PHC3: variants seen among roughly 807,000 people sequenced by gnomAD.
The protein encoded by PHC3 is polyhomeotic-like protein 3.
A neutral mutation model predicts 107.4 loss-of-function variants in PHC3; 13 were observed. That is an observed-to-expected ratio of 0.12 (90% CI 0.08 to 0.19). The LOEUF (loss-of-function observed/expected upper bound fraction) is 0.19. PHC3 is among the 10% of genes least tolerant of loss of function. PHC3 has a pLI of 1.00. For synonymous variants in PHC3, 456 were observed against 427.4 expected (o/e 1.07, Z -0.83); for missense variants, 992 against 1,210.9 (o/e 0.82, Z 2.68).
rs770412050 is a variant in PHC3 at position 170,128,865 on chromosome 3, A to G, written c.1607T>C (p.Leu536Ser). Residue 536 changes from leucine (L) to serine (S), a missense_variant, in exon 8 of 15, where the codon TTA (leucine) becomes TCA (serine). Around this residue, in one of 6 missense-constraint regions of PHC3, gnomAD observed 543 missense variants for 590.8 expected, o/e 0.92. Coordinates refer to ENST00000495893, the MANE Select transcript of PHC3 (RefSeq NM_024947.4). ...GGACAGAATTTCAGGCTGCACTTGT[A>G]AAGACTGCATAGACTGCAAGGGCAG... ...PPLPLQSMQSLQVQPEILSQG... is the reference protein window; with the variant it reads ...PPLPLQSMQSSQVQPEILSQG... The G allele has an allele frequency of 4.3e-6, 7 of 1,614,046 alleles. No homozygotes were observed. The highest frequency in any genetic ancestry group is 5.9e-6 in the Non-Finnish European group (7 of 1,179,888).
At chr3:170,115,558 T>C (rs1718757036) in intron 10 of PHC3, among the ~76,000 whole-genome samples, 1 of 152,234 alleles carries the variant, frequency 6.6e-6, no homozygotes, top group South Asian at 2.1e-4. Flanking sequence ...ATTTGCCCTG[T>C]ACATTTCCCA....
chr3:170,171,119 A>C (rs1414047192), intron 4 of PHC3: 2 of 502,304 alleles, frequency 4.0e-6, no homozygotes, highest in Non-Finnish European at 6.9e-6. Flanking sequence ...CTGAAACCAC[A>C]TAAGATCTGA....
At chr3:170,099,016 C>T (rs1458091586) in intron 14 of PHC3, among the ~76,000 whole-genome samples, 1 of 152,036 alleles carries the variant, frequency 6.6e-6, no homozygotes, top group Non-Finnish European at 1.5e-5. Context: ...AACTAATGTT[C>T]TTCTCTCTTC....
chr3:170,145,707 T>A (rs1195343563), intron 5 of PHC3, among the ~76,000 whole-genome samples, 186 bp from the exon 6 acceptor site: 1 of 152,116 alleles, frequency 6.6e-6, no homozygotes, highest in African/African-American at 2.4e-5. Context: ...AAAAAAATCA[T>A]AAACATTTTT....
At chr3:170,171,859 G>A (rs569374315) in intron 3 of PHC3, among the ~76,000 whole-genome samples, 3 of 152,290 alleles carry the variant, frequency 2.0e-5, no homozygotes, top group African/African-American at 7.2e-5. Flanking sequence ...CTGAGAATCT[G>A]TTGGTAACAG....
At chr3:170,146,465 T>TC (rs1724966929) in intron 5 of PHC3, among the ~76,000 whole-genome samples, 1 of 150,830 alleles carries the variant, frequency 6.6e-6, no homozygotes, top group African/African-American at 2.4e-5. Flanking sequence ...TGCAAAAAAA[T>TC]CTTCACATCA....
chr3:170,160,302 T>C (rs1727673874), intron 4 of PHC3, among the ~76,000 whole-genome samples: 1 of 152,238 alleles, frequency 6.6e-6, no homozygotes. Context: ...GCTACTATAA[T>C]ACAATCCTCA....
intron 11 of PHC3, among the ~76,000 whole-genome samples, chr3:170,111,301 G>A (rs200388833): frequency 7.6e-6 from 1 of 130,988 alleles, no homozygotes; most frequent in Admixed American, 7.9e-5. Flanking sequence ...AAGGAAGGAA[G>A]GAAGGAAGGA....
Position 170,128,851 on chromosome 3 carries a change from C to T in PHC3, c.1621G>A (p.Glu541Lys). The T allele has an allele frequency of 6.2e-7, 1 of 1,614,020 alleles. No individual in the cohort carries two copies. Among genetic ancestry groups the T allele is most frequent in the Non-Finnish European group, 8.5e-7 (1 of 1,179,882 alleles). Reference sequence around the variant, plus strand: ...AAAACCTGGCCCTGGGACAGAATTTCAGGCTGCACTTGTAAAGACTGCATA... The same window carrying T: ...AAAACCTGGCCCTGGGACAGAATTTTAGGCTGCACTTGTAAAGACTGCATA... ...QSMQSLQVQPEILSQGQVLVQ... is the reference protein window; with the variant it reads ...QSMQSLQVQPKILSQGQVLVQ... Residue 541 changes from glutamate to lysine, a missense_variant, in exon 8 of 15, where the codon GAA (glutamate) becomes AAA (lysine). This residue lies in a region of PHC3 where 543 missense variants were observed against 590.8 expected (regional missense o/e 0.92). Transcript: ENST00000495893.
At chr3:170,143,631 T>C (rs908858655) in intron 6 of PHC3, among the ~76,000 whole-genome samples, 10 of 152,196 alleles carry the variant, frequency 6.6e-5, no homozygotes, top group Admixed American at 2.0e-4. Context: ...TACAGCAATA[T>C]CATGCAAAGT....
intron 8 of PHC3, among the ~76,000 whole-genome samples, chr3:170,126,620 C>A (rs546373040): frequency 1.1e-3 from 167 of 149,916 alleles, no homozygotes; most frequent in African/African-American, 3.9e-3. Flanking sequence ...CAGCTCACTG[C>A]AACCTCTGCC....
chr3:170,119,734 T>C (rs1188297300), intron 9 of PHC3, among the ~76,000 whole-genome samples: 6 of 152,098 alleles, frequency 3.9e-5, no homozygotes, highest in Non-Finnish European at 5.9e-5. Flanking sequence ...TGCTTTTCAC[T>C]TTCAAAAAAT....
chr3:170,133,021 A>ATATAAGAAAACAATAACCATGTATAC, intron 7 of PHC3, among the ~76,000 whole-genome samples: 1 of 152,218 alleles, frequency 6.6e-6, no homozygotes, highest in Non-Finnish European at 1.5e-5. Context: ...CTAAAAATAC[A>ATATAAGAAAACAATAACCATGTATAC]TATAAGAAAA....
chr3:170,136,712 A>T, intron 6 of PHC3, 47 bp from the exon 7 acceptor site: 1 of 1,582,876 alleles, frequency 6.3e-7, no homozygotes, highest in Non-Finnish European at 8.6e-7. Flanking sequence ...GATGGTTTTA[A>T]TTGATGTGGT....
Position 170,165,453 on chromosome 3 carries a change from T to A in PHC3, c.414+5920A>T, listed in dbSNP as rs564821655. Among the ~76,000 whole-genome samples the A allele has an allele frequency of 5.9e-5, 9 of 151,722 alleles. No homozygotes were observed. The South Asian group carries it at 1.7e-3, about 28-fold the overall frequency. On this transcript the variant is annotated intron_variant, in intron 4 of 14. Coordinates refer to ENST00000495893, the MANE Select transcript of PHC3 (RefSeq NM_024947.4). ...AGCCAATACCCAGATAACAAAGATA[T>A]CAGAATTATATGATGAAGGCTGGGC...
intron 2 of PHC3, among the ~76,000 whole-genome samples, chr3:170,174,948 T>A (rs1194166970): frequency 1.3e-5 from 2 of 152,194 alleles, no homozygotes; most frequent in African/African-American, 4.8e-5. Context: ...AATTCTAAAA[T>A]CAAACTGAAA....
intron 10 of PHC3, among the ~76,000 whole-genome samples, chr3:170,115,957 T>C (rs1297198363): frequency 1.3e-5 from 2 of 151,940 alleles, no homozygotes; most frequent in Non-Finnish European, 2.9e-5. Context: ...TAATGCAAGA[T>C]TTTCACCCAT....
In PHC3 at chr3:170,117,375, G is replaced by A. The variant is rs1470192058; in HGVS notation, c.2044C>T (p.Pro682Ser). The change falls in exon 10 of 15, where the codon CCA becomes TCA. Residue 682 changes from proline (P) to serine (S), a missense_variant. Coordinates refer to ENST00000495893, the MANE Select transcript of PHC3 (RefSeq NM_024947.4). The stretch of plus-strand genomic sequence containing the variant: ...CTGTTACTCCTTGTGGTGGCAGCTG[G>A]AAGTAACAATGGAGGTGGTGGAACA... ...VSVPPPPLLL[P>S]AATTRSNSTS... 3 of 1,613,852 alleles carry A rather than the reference G, an allele frequency of 1.9e-6. No individual in the cohort carries two copies. The highest frequency in any genetic ancestry group is 2.5e-6 in the Non-Finnish European group (3 of 1,179,852).
chr3:170,121,393 A>T (rs1346386822), intron 9 of PHC3, among the ~76,000 whole-genome samples: 1 of 152,210 alleles, frequency 6.6e-6, no homozygotes, highest in East Asian at 1.9e-4. Flanking sequence ...TCATAAATTT[A>T]AAAAAATAAC....
Sources: gnomAD v4.1 joint callset for allele counts (sites outside exome capture counted in the v4.1 genomes callset) on GRCh38, gnomAD v4.1.1 for gene constraint, gnomAD v4.1.1 regional missense constraint, MANE v1.5 for transcripts, NCBI Gene and HGNC (gene_info 2026-07-23, HGNC 2026-07-21) for gene names.